The following LAMA3 variants were observed in gnomAD, a reference collection of about 807,000 sequenced individuals.
LAMA3 encodes laminin subunit alpha-3.
Under a neutral mutation model 402.0 loss-of-function variants are expected in LAMA3, and 281 were observed. The observed-to-expected ratio is 0.70, with a 90% CI of 0.63 to 0.77. LAMA3 has a LOEUF of 0.77. Among genes scored for constraint, LAMA3 ranks in the 30% least tolerant of loss-of-function variants. The pLI is 0.00. For synonymous variants in LAMA3, 1,431 were observed against 1,558.4 expected (o/e 0.92, Z 1.93); for missense variants, 3,840 against 4,215.5 (o/e 0.91, Z 2.47).
intron 31 of LAMA3, 154 bp downstream of exon 31, chr18:23,846,662 AG>A: frequency 2.5e-6 from 2 of 799,160 alleles, no homozygotes; most frequent in Non-Finnish European, 4.2e-6. Flanking sequence ...CTGGAGCCTG[AG>A]TCTCTACATT....
rs367550069 is a variant in LAMA3, at chr18:23,777,587, G to A, written c.1436G>A (p.Ser479Asn). The A allele has an allele frequency of 6.2e-7, 1 of 1,612,334 alleles. No individual in the cohort carries two copies. The highest frequency in any genetic ancestry group is 1.3e-5 in the African/African-American group (1 of 74,996). The change falls in exon 11 of 75, where the codon AGT becomes AAT. Residue 479 changes from serine to asparagine, a missense_variant. Ser to Asn is a conservative substitution (Grantham distance 46). Transcript: ENST00000313654. ...RIPIFPVSTP[S>N]SEDPVAGDIK... ...CCCATTTTTCCTGTTTCTACACCAAGTTCAGAAGATCCAGTAGCTGGAGAT... is the reference window on the plus strand; with the variant it reads ...CCCATTTTTCCTGTTTCTACACCAAATTCAGAAGATCCAGTAGCTGGAGAT...
chr18:23,907,678 C>T lies in LAMA3; in HGVS notation c.6835+12C>T, dbSNP rs755941695. Reference sequence around the variant, plus strand: ...TGGGATACAGAGAGGTCAGCATCTTCCTAATCCATTGTACTCGGTTGGCTT... The same window carrying T: ...TGGGATACAGAGAGGTCAGCATCTTTCTAATCCATTGTACTCGGTTGGCTT... On this transcript the variant is annotated intron_variant, in intron 53 of 74. Transcript: ENST00000313654. 4.3e-6 allele frequency: 7 copies of T among 1,610,736 alleles called. No homozygotes were observed. In the Admixed American group the frequency reaches 6.7e-5, roughly 15 times the overall value.
At chr18:23,920,146 A>C (rs1457206339) in intron 60 of LAMA3, among the ~76,000 whole-genome samples, 1 of 152,216 alleles carries the variant, frequency 6.6e-6, no homozygotes. Context: ...GCACACGTGC[A>C]TGCAGGGGGC....
chr18:23,818,537 T>A (rs2063221785), intron 18 of LAMA3, among the ~76,000 whole-genome samples: 1 of 152,232 alleles, frequency 6.6e-6, no homozygotes, highest in East Asian at 1.9e-4. Flanking sequence ...TCTGGTTTTA[T>A]CAGAGAATTT....
At chr18:23,922,521 G>A (rs908126844) in intron 62 of LAMA3, among the ~76,000 whole-genome samples, 1 of 152,330 alleles carries the variant, frequency 6.6e-6, no homozygotes. Flanking sequence ...AGGCAAAAAT[G>A]CAAATGGGAA....
In LAMA3 at chr18:23,758,412, C is replaced by T. The variant is rs745516805; in HGVS notation, c.964C>T (p.Gln322Ter). Residue 322 changes from glutamine to a stop codon, truncating the protein, a stop_gained, in exon 7 of 75, where the codon CAG becomes TAG. Transcript: ENST00000313654. LOFTEE classifies it high-confidence loss of function. Reference sequence around the variant, plus strand: ...CATGCCCAGGTTTCGGTGTGAATGCCAGCACCACACCTGTGGGGAGACGTG... The same window carrying T: ...CATGCCCAGGTTTCGGTGTGAATGCTAGCACCACACCTGTGGGGAGACGTG... ...NPEKLFRCECQHHTCGETCDR... is the reference protein window; with the variant it reads ...NPEKLFRCEC The T allele has an allele frequency of 2.5e-6, 4 of 1,613,912 alleles. No individual in the cohort carries two copies. The highest frequency in any genetic ancestry group is 2.2e-5 in the East Asian group (1 of 44,878).
At chr18:23,904,432 TCCA>T in intron 50 of LAMA3, 118 bp from the exon 51 acceptor site, 1 of 1,196,570 alleles carries the variant, frequency 8.4e-7, no homozygotes. Context: ...TTTGTTTTTT[TCCA>T]TTTCTTAAAA....
intron 13 of LAMA3, among the ~76,000 whole-genome samples, 186 bp from the exon 14 acceptor site, chr18:23,812,871 A>G (rs1276769764): frequency 1.3e-5 from 2 of 152,212 alleles, no homozygotes; most frequent in African/African-American, 4.8e-5. Flanking sequence ...TAATTTGGGG[A>G]TTAAGGACCA....
At chr18:23,834,868 G>A (rs1367854140) in intron 24 of LAMA3, 1 of 152,238 alleles carries the variant, frequency 6.6e-6, no homozygotes, top group Admixed American at 6.5e-5. Context: ...TAGTAGCTTA[G>A]AATGGAAACT....
chr18:23,694,922 T>G (rs2060656654), intron 1 of LAMA3, among the ~76,000 whole-genome samples: 1 of 152,210 alleles, frequency 6.6e-6, no homozygotes, highest in Non-Finnish European at 1.5e-5. Context: ...GAAGCTTGTC[T>G]TAGACACCCC....
In LAMA3 at chr18:23,871,456, G is replaced by T. The variant is rs762184728; in HGVS notation, c.4793G>T (p.Arg1598Leu). The change falls in exon 38 of 75, where the codon CGT (arginine) becomes CTT (leucine). Residue 1598 changes from arginine to leucine, a missense_variant. This residue lies in a region of LAMA3 where 2,109 missense variants were observed against 2,376.0 expected (regional missense o/e 0.89). Coordinates refer to ENST00000313654, the MANE Select transcript of LAMA3 (RefSeq NM_198129.4). ...VEGNFRHASS[R>L]APVSREELMT... ...GGAAACTTCAGACATGCCAGCAGCC[G>T]TGCCCCAGTGTCTAGGGAGGAGCTG... 3.1e-6 allele frequency: 5 copies of T among 1,613,692 alleles called. No homozygotes were observed. The highest frequency in any genetic ancestry group is 3.4e-6 in the Non-Finnish European group (4 of 1,179,856).
At chr18:23,712,308 G>A (rs1275261322) in intron 1 of LAMA3, among the ~76,000 whole-genome samples, 12 of 151,568 alleles carry the variant, frequency 7.9e-5, no homozygotes, top group African/African-American at 2.7e-4. Flanking sequence ...TGAACCTGGG[G>A]GCGGAGGTTG....
chr18:23,921,506 CA>C lies in LAMA3; in HGVS notation c.8102del (p.Asn2701ThrfsTer3), dbSNP rs1555740963. 6.2e-7 allele frequency: 1 copy of C among 1,613,634 alleles called. No homozygotes were observed. The highest frequency in any genetic ancestry group is 8.5e-7 in the Non-Finnish European group (1 of 1,179,650). The part of the protein sequence containing the change: ...QKRMWINVDV[Q>X]NTIIDGEVFD... ...GCGTATGTGGATAAATGTGGACGTTCAAAACACTATAATTGATGGTGAAGTA... is the reference window on the plus strand; with the variant it reads ...GCGTATGTGGATAAATGTGGACGTTCAAACACTATAATTGATGGTGAAGTA... On this transcript the variant is annotated frameshift_variant, in exon 62 of 75. Transcript: ENST00000313654. LOFTEE classifies it high-confidence loss of function.
intron 2 of LAMA3, among the ~76,000 whole-genome samples, chr18:23,724,699 T>C (rs771240182): frequency 1.3e-5 from 2 of 152,230 alleles, no homozygotes; most frequent in Non-Finnish European, 2.9e-5. Context: ...TCAAGCACAC[T>C]TGGGCTTTAA....
intron 2 of LAMA3, among the ~76,000 whole-genome samples, chr18:23,732,187 A>G (rs2061405688): frequency 6.6e-6 from 1 of 152,200 alleles, no homozygotes; most frequent in African/African-American, 2.4e-5. Flanking sequence ...GATGAGGTCA[A>G]GGTTGCTGGT....
At chr18:23,950,925 G>A (rs908719973) in intron 72 of LAMA3, among the ~76,000 whole-genome samples, 1 of 152,190 alleles carries the variant, frequency 6.6e-6, no homozygotes, top group Non-Finnish European at 1.5e-5. Flanking sequence ...TCTACTGAGA[G>A]TCTCTGGGAG....
At chr18:23,924,581 G>T (rs1599112436) in intron 62 of LAMA3, among the ~76,000 whole-genome samples, 4 of 101,858 alleles carry the variant, frequency 3.9e-5, no homozygotes, top group Admixed American at 1.4e-4. Flanking sequence ...TGTTGCTCTT[G>T]TTGCCCAGGC....
At chr18:23,781,208 A>C in intron 11 of LAMA3, 2 of 435,722 alleles carry the variant, frequency 4.6e-6, no homozygotes, top group Non-Finnish European at 4.6e-6. Context: ...AATTCACGGT[A>C]AAAACGTTCC....
Position 23,756,374 on chromosome 18 carries a change from T to TA in LAMA3, c.948-2008dup, listed in dbSNP as rs776442170. Among the ~76,000 whole-genome samples the TA allele has an allele frequency of 3.9e-3, 528 of 136,308 alleles. 4 individuals carry two copies. Among genetic ancestry groups the TA allele is most frequent in the Non-Finnish European group, 5.1e-3 (320 of 63,034 alleles). The allele number at this position is 136,308 out of a possible 152,430, so 89.4% of individuals were successfully genotyped here. ...CCGAACACTGCACGTCTCTCATATT[T>TA]AAAAAAAAAAAAAAGCTGTTTGCTC... On this transcript the variant is annotated intron_variant, in intron 6 of 74. Coordinates refer to ENST00000313654, the MANE Select transcript of LAMA3 (RefSeq NM_198129.4).
Sources: allele counts gnomAD v4.1 joint callset (sites outside exome capture counted in the v4.1 genomes callset), GRCh38; gene constraint gnomAD v4.1.1; regional missense constraint gnomAD v4.1.1; transcripts MANE v1.5; gene names NCBI Gene and HGNC (gene_info 2026-07-23, HGNC 2026-07-21).